MAP2K4: variants seen among roughly 807,000 people sequenced by gnomAD.
MAP2K4 encodes dual specificity mitogen-activated protein kinase kinase 4.
MAP2K4 carries 4 observed loss-of-function variants against 48.5 expected under a neutral mutation model. The observed-to-expected ratio is 0.08, with a 90% CI of 0.04 to 0.19. The LOEUF (loss-of-function observed/expected upper bound fraction) is 0.19, where lower values mean the gene tolerates loss of function less well. Ranked by LOEUF, MAP2K4 falls within the 10% of genes least tolerant of loss-of-function variation. The pLI is 1.00. For missense variants in MAP2K4, 258 were observed against 493.3 expected (o/e 0.52, Z 4.52); for synonymous variants, 166 against 173.1 (o/e 0.96, Z 0.32).
At chr17:12,138,450 T>C (rs1219371667) in intron 9 of MAP2K4, among the ~76,000 whole-genome samples, 2 of 150,184 alleles carry the variant, frequency 1.3e-5, no homozygotes, top group Non-Finnish European at 3.0e-5. Flanking sequence ...AGAGAAAATA[T>C]ATTATTTATG....
chr17:12,042,037 C>T (rs866908231), intron 1 of MAP2K4, among the ~76,000 whole-genome samples: 26 of 151,578 alleles, frequency 1.7e-4, no homozygotes, highest in African/African-American at 6.0e-4. Flanking sequence ...AAAAATTAGC[C>T]GGGTGTGGTG....
At chr17:12,115,002 A>G (rs960745286) in intron 7 of MAP2K4, among the ~76,000 whole-genome samples, 1 of 152,218 alleles carries the variant, frequency 6.6e-6, no homozygotes, top group African/African-American at 2.4e-5. Context: ...TGTTATAGAT[A>G]GACAAGAACT....
chr17:12,120,381 A>AC (rs1391989260), intron 7 of MAP2K4, among the ~76,000 whole-genome samples: 2 of 152,036 alleles, frequency 1.3e-5, no homozygotes, highest in Non-Finnish European at 2.9e-5. Flanking sequence ...AATTGCTTGA[A>AC]CCCAGGAGGC....
intron 2 of MAP2K4, among the ~76,000 whole-genome samples, chr17:12,065,243 A>G (rs973959362): frequency 1.4e-5 from 2 of 142,496 alleles, no homozygotes; most frequent in African/African-American, 2.6e-5. Context: ...AACAATAACA[A>G]TTATATATAT....
At chr17:12,121,138 A>G in intron 7 of MAP2K4, among the ~76,000 whole-genome samples, 1 of 152,212 alleles carries the variant, frequency 6.6e-6, no homozygotes. Context: ...TTGGTGCTTC[A>G]GTGTACACAA....
chr17:12,060,746 T>TGCGC (rs71361419), intron 2 of MAP2K4, among the ~76,000 whole-genome samples: 1 of 143,570 alleles, frequency 7.0e-6, no homozygotes, highest in African/African-American at 2.5e-5. Context: ...TGTGTGTGTG[T>TGCGC]GCGCGCGTGT....
chr17:12,130,773 C>T (rs1356248478), intron 9 of MAP2K4, among the ~76,000 whole-genome samples: 1 of 152,186 alleles, frequency 6.6e-6, no homozygotes, highest in Non-Finnish European at 1.5e-5. Context: ...CTTTCTGCCA[C>T]TCTTTGTCTT....
intron 1 of MAP2K4, among the ~76,000 whole-genome samples, chr17:12,048,814 G>A (rs1243178929): frequency 6.6e-6 from 1 of 151,784 alleles, no homozygotes; most frequent in Non-Finnish European, 1.5e-5. Flanking sequence ...CTGCCACCAC[G>A]CCCGGCTAAT....
chr17:12,080,211 C>T (rs181860977), intron 2 of MAP2K4, among the ~76,000 whole-genome samples: 1 of 152,266 alleles, frequency 6.6e-6, no homozygotes, highest in East Asian at 1.9e-4. Context: ...TTGGAGAAAA[C>T]TTTCCTAAAT....
chr17:12,113,397 A>G (rs778783612), intron 7 of MAP2K4, 37 bp downstream of exon 7: 34 of 1,604,994 alleles, frequency 2.1e-5, no homozygotes, highest in African/African-American at 2.7e-5. Flanking sequence ...CTTGATAGTC[A>G]TTGCACAGAG....
At chr17:12,041,761 T>C (rs1969791669) in intron 1 of MAP2K4, among the ~76,000 whole-genome samples, 1 of 152,244 alleles carries the variant, frequency 6.6e-6, no homozygotes, top group Non-Finnish European at 1.5e-5. Context: ...ATCAAACATT[T>C]GAGCTTCGAT....
chr17:12,120,741 T>A (rs1245201701), intron 7 of MAP2K4, among the ~76,000 whole-genome samples: 4 of 152,144 alleles, frequency 2.6e-5, no homozygotes, highest in Non-Finnish European at 5.9e-5. Flanking sequence ...GAATGCCTCC[T>A]CATTACTAGA....
At chr17:12,067,189 C>T (rs1970644254) in intron 2 of MAP2K4, among the ~76,000 whole-genome samples, 1 of 152,088 alleles carries the variant, frequency 6.6e-6, no homozygotes. Flanking sequence ...TTAACTAGTT[C>T]CTTATTGGTA....
intron 1 of MAP2K4, among the ~76,000 whole-genome samples, chr17:12,030,398 A>G (rs1969397867): frequency 3.9e-5 from 6 of 152,212 alleles, no homozygotes; most frequent in Admixed American, 2.6e-4. Context: ...TCACCTGGTC[A>G]CTTCATAATT....
In MAP2K4 at chr17:12,042,226, C is replaced by T. The variant is rs141752408; in HGVS notation, c.116-12663C>T. The stretch of plus-strand genomic sequence containing the variant: ...AGTAGTAACAGGTTATTTGAAGGCT[C>T]TCTAAATGGTCTTAATTAAAATATA... On this transcript the variant is annotated intron_variant, in intron 1 of 10. Transcript: ENST00000353533. 2.2e-3 allele frequency among the ~76,000 whole-genome samples: 329 copies of T among 146,954 alleles called. 1 individual carries two copies. Among genetic ancestry groups the T allele is most frequent in the African/African-American group, 7.7e-3 (310 of 40,400 alleles).
Position 12,110,477 on chromosome 17 carries a change from A to G in MAP2K4, c.685+51A>G, listed in dbSNP as rs773405065. On this transcript the variant is annotated intron_variant, in intron 6 of 10. Coordinates refer to ENST00000353533, the MANE Select transcript of MAP2K4 (RefSeq NM_003010.4). ...AATAGAAATTAACTTTTTTCTCCTA[A>G]TTGGTGAAACGGTTATTGAAAATTA... is the stretch of plus-strand genomic sequence containing the variant. 9 of 1,258,980 alleles carry G rather than the reference A, an allele frequency of 7.1e-6. No individual in the cohort carries two copies. The Admixed American group carries it at 1.6e-4, about 22-fold the overall frequency. The allele number at this position is 1,258,980 out of a possible 1,614,324, so 78.0% of individuals were successfully genotyped here. A position where few individuals can be genotyped will look rare whatever the true frequency, so the allele number is the denominator to read the frequency against.
At chr17:12,071,481 A>G (rs890636857) in intron 2 of MAP2K4, among the ~76,000 whole-genome samples, 2 of 152,204 alleles carry the variant, frequency 1.3e-5, no homozygotes, top group African/African-American at 4.8e-5. Context: ...GAAAATTCAT[A>G]GGAGAAAGAG....
At chr17:12,069,626 T>G (rs961136472) in intron 2 of MAP2K4, 4 of 808,994 alleles carry the variant, frequency 4.9e-6, no homozygotes, top group Non-Finnish European at 6.0e-6. Flanking sequence ...TCTGGACATT[T>G]CATTTTTCAG....
At chr17:12,095,467 G>A (rs1971705751) in intron 3 of MAP2K4, 108 bp from the exon 4 acceptor site, 1 of 1,163,232 alleles carries the variant, frequency 8.6e-7, no homozygotes, top group Non-Finnish European at 1.3e-6. Context: ...GTGAAGTTTG[G>A]TAATTTTTAG....
Sources: gnomAD v4.1 joint callset for allele counts (sites outside exome capture counted in the v4.1 genomes callset) on GRCh38, gnomAD v4.1.1 for gene constraint, MANE v1.5 for transcripts, NCBI Gene and HGNC (gene_info 2026-07-23, HGNC 2026-07-21) for gene names.